DOP1B: variants seen among roughly 807,000 people sequenced by gnomAD.
DOP1B encodes the protein protein DOP1B.
A neutral mutation model predicts 233.5 loss-of-function variants in DOP1B; 174 were observed. The observed-to-expected ratio is 0.75, with a 90% CI of 0.66 to 0.85. The LOEUF is 0.85. Ranked by LOEUF, DOP1B falls within the 40% of genes least tolerant of loss-of-function variation. The pLI is 0.00. For synonymous variants in DOP1B, 1,190 were observed against 1,185.6 expected (o/e 1.00, Z -0.08); for missense variants, 2,652 against 2,846.6 (o/e 0.93, Z 1.56).
intron 2 of DOP1B, among the ~76,000 whole-genome samples, chr21:36,179,705 G>T (rs866788145): frequency 6.6e-6 from 1 of 152,122 alleles, no homozygotes; most frequent in Non-Finnish European, 1.5e-5. Context: ...AAGGACAGGC[G>T]AACAGTTTAC....
intron 2 of DOP1B, among the ~76,000 whole-genome samples, chr21:36,168,089 G>A (rs187168774): frequency 1.1e-4 from 17 of 151,458 alleles, no homozygotes; most frequent in Admixed American, 6.6e-4. Flanking sequence ...GACTACAGGC[G>A]CACACCACCA....
chr21:36,247,394 G>T, intron 19 of DOP1B, 123 bp from the exon 20 acceptor site: 1 of 509,024 alleles, frequency 2.0e-6, no homozygotes, highest in Non-Finnish European at 3.4e-6. Flanking sequence ...TCTATGACGA[G>T]AGCTCCAGTT....
intron 17 of DOP1B, among the ~76,000 whole-genome samples, chr21:36,239,025 C>T (rs1202820497): frequency 1.3e-5 from 2 of 152,120 alleles, no homozygotes; most frequent in Non-Finnish European, 2.9e-5. Context: ...ATCACTTGAA[C>T]CCGGGAGGCA....
chr21:36,247,373 T>C (rs2066979207), intron 19 of DOP1B, 144 bp from the exon 20 acceptor site: 6 of 464,114 alleles, frequency 1.3e-5, no homozygotes, highest in Non-Finnish European at 3.8e-6. Flanking sequence ...TTAACATTAT[T>C]ATAATGATAT....
intron 36 of DOP1B, 126 bp downstream of exon 36, chr21:36,292,359 T>A: frequency 1.4e-6 from 1 of 690,566 alleles, no homozygotes. Flanking sequence ...CAGGTTCAAG[T>A]GATTCTCCTG....
At chr21:36,288,934 T>TTTAAGAA in intron 34 of DOP1B, 111 bp from the exon 35 acceptor site, 2 of 1,474,278 alleles carry the variant, frequency 1.4e-6, no homozygotes, top group Non-Finnish European at 1.8e-6. Context: ...AAGGACCAGC[T>TTTAAGAA]ATTCCAAAAA....
chr21:36,223,615 C>T (rs949602026), intron 11 of DOP1B, among the ~76,000 whole-genome samples: 1 of 152,148 alleles, frequency 6.6e-6, no homozygotes, highest in African/African-American at 2.4e-5. Context: ...AAATCCTCAG[C>T]GCATTTTCTG....
intron 2 of DOP1B, among the ~76,000 whole-genome samples, chr21:36,192,969 T>C (rs2066250294): frequency 6.6e-6 from 1 of 152,148 alleles, no homozygotes. Flanking sequence ...ATTACAGGCA[T>C]GAGCCACCAT....
rs140649794 is a variant in DOP1B, at chr21:36,230,516, G to T, written c.1732G>T (p.Asp578Tyr). ...AAAGGCAGTGATTCCCGGTGACGAA[G>T]ATGCTTCGTTTCCCCCTCTGAAGTC... ...ETKAVIPGDE[D>Y]ASFPPLKSED... The change falls in exon 14 of 37, where the codon GAT becomes TAT. Residue 578 changes from aspartate to tyrosine, a missense_variant. Asp to Tyr is a radical substitution (Grantham distance 160). Transcript: ENST00000691173. 30 of 1,613,772 alleles carry T rather than the reference G, an allele frequency of 1.9e-5. No individual in the cohort carries two copies. In the African/African-American group the frequency reaches 3.2e-4, roughly 17 times the overall value.
intron 16 of DOP1B, among the ~76,000 whole-genome samples, chr21:36,238,098 C>A (rs957799283): frequency 6.6e-6 from 1 of 152,088 alleles, no homozygotes; most frequent in Non-Finnish European, 1.5e-5. Flanking sequence ...ATCTGGGAGG[C>A]GGAGGTTGCG....
Position 36,292,093 on chromosome 21 carries a change from G to A in DOP1B, c.6516-11G>A. 1 of 1,586,100 alleles carries A rather than the reference G, an allele frequency of 6.3e-7. No homozygotes were observed. Among genetic ancestry groups the A allele is most frequent in the Non-Finnish European group, 8.5e-7 (1 of 1,172,082 alleles). On this transcript the variant is annotated splice_polypyrimidine_tract_variant and intron_variant, in intron 35 of 36. Coordinates refer to ENST00000691173, the MANE Select transcript of DOP1B (RefSeq NM_001320714.2). The stretch of plus-strand genomic sequence containing the variant: ...TACCAGCAGACCTGACCTTCTGTTT[G>A]TTCCCTGCAGTTATAGGTGGGCATT...
intron 24 of DOP1B, 43 bp downstream of exon 24, chr21:36,260,775 A>C: frequency 1.2e-6 from 2 of 1,611,856 alleles, no homozygotes; most frequent in Non-Finnish European, 1.7e-6. Context: ...TTAAATACAG[A>C]TGCTATTGCA....
At chr21:36,283,586 G>A (rs2067444038) in intron 32 of DOP1B, among the ~76,000 whole-genome samples, 1 of 152,178 alleles carries the variant, frequency 6.6e-6, no homozygotes. Flanking sequence ...CAGTTGGCGT[G>A]CCTTGCTTGA....
At chr21:36,161,839 A>T (rs1011181484) in intron 1 of DOP1B, among the ~76,000 whole-genome samples, 1 of 152,182 alleles carries the variant, frequency 6.6e-6, no homozygotes, top group African/African-American at 2.4e-5. Context: ...AGGGCATTTC[A>T]TATCAATGGA....
intron 2 of DOP1B, among the ~76,000 whole-genome samples, chr21:36,179,863 G>T (rs964254618): frequency 6.6e-6 from 1 of 152,056 alleles, no homozygotes; most frequent in Non-Finnish European, 1.5e-5. Flanking sequence ...ACATCTTTAC[G>T]CACGTGGCTA....
Position 36,246,815 on chromosome 21 carries a change from G to A in DOP1B, c.4697+138G>A. The A allele has an allele frequency of 1.0e-6, 1 of 963,704 alleles. No individual in the cohort carries two copies. Among genetic ancestry groups the A allele is most frequent in the Non-Finnish European group, 1.5e-6 (1 of 663,568 alleles). 59.7% of individuals were successfully genotyped at this position (963,704 alleles called of 1,614,324 possible). A position where few individuals can be genotyped will look rare whatever the true frequency, so the allele number is the denominator to read the frequency against. On this transcript the variant is annotated intron_variant, in intron 19 of 36. Coordinates refer to ENST00000691173, the MANE Select transcript of DOP1B (RefSeq NM_001320714.2). This position sits in a 1 kb window ranked among gnomAD's most constrained non-coding sequence, Gnocchi z 5.1. ...AAGCCTGTTTAGCATTATCAAGAGGGGTAACAAGCAACTAAATGTTCTGAT... is the reference window on the plus strand; with the variant it reads ...AAGCCTGTTTAGCATTATCAAGAGGAGTAACAAGCAACTAAATGTTCTGAT...
rs752465499 is a variant in DOP1B at position 36,230,867 on chromosome 21, A to T, written c.2083A>T (p.Met695Leu). 1 of 1,614,118 alleles carries T rather than the reference A, an allele frequency of 6.2e-7. No homozygotes were observed. Among genetic ancestry groups the T allele is most frequent in the South Asian group, 1.1e-5 (1 of 91,082 alleles). The change falls in exon 14 of 37, where the codon ATG (methionine) becomes TTG (leucine). Residue 695 changes from methionine (M) to leucine (L), a missense_variant. By Grantham distance (15) the Met-to-Leu change is conservative (BLOSUM62 2). This residue lies in a region of DOP1B where 2,617 missense variants were observed against 2,794.3 expected (regional missense o/e 0.94). Transcript: ENST00000691173. ...KPITVPQFKQ[M>L]LSDLFTARGS... ...CATCACTGTGCCTCAGTTCAAGCAG[A>T]TGCTGTCAGACTTGTTCACAGCACG...
chr21:36,287,579 CTTTTTTTTTTTTTTT>C (rs869203517), intron 32 of DOP1B, among the ~76,000 whole-genome samples: 1 of 73,124 alleles, frequency 1.4e-5, no homozygotes, highest in East Asian at 4.7e-4. Context: ...TCCTAACATT[CTTTTTTTTTTTTTTT>C]TTTTTTTTTT....
At chr21:36,213,932 A>T in intron 7 of DOP1B, 149 bp from the exon 8 acceptor site, 1 of 624,148 alleles carries the variant, frequency 1.6e-6, no homozygotes, top group Non-Finnish European at 2.8e-6. Flanking sequence ...TCAGAAGAAG[A>T]AAATCTGACG....
Sources: gnomAD v4.1 joint callset for allele counts (sites outside exome capture counted in the v4.1 genomes callset) on GRCh38, gnomAD v4.1.1 for gene constraint, gnomAD v4.1.1 regional missense constraint, Gnocchi (gnomAD v3.1) non-coding constraint, MANE v1.5 for transcripts, NCBI Gene and HGNC (gene_info 2026-07-23, HGNC 2026-07-21) for gene names.